UNC5D: variants seen among roughly 807,000 people sequenced by gnomAD.
UNC5D encodes the protein netrin receptor UNC5D.
UNC5D carries 39 observed loss-of-function variants against 105.4 expected under a neutral mutation model. That is an observed-to-expected ratio of 0.37 (90% CI 0.29 to 0.48). UNC5D has a LOEUF of 0.48. Among genes scored for constraint, UNC5D ranks in the 20% least tolerant of loss-of-function variants. The pLI is 0.98. For missense variants in UNC5D, 991 were observed against 1,202.4 expected, an observed-to-expected ratio of 0.82 and a Z score of 2.60; for synonymous variants, 452 against 450.4, an observed-to-expected ratio of 1.00 and a Z score of -0.04.
chr8:35,417,166 C>A (rs1007724637), intron 1 of UNC5D, among the ~76,000 whole-genome samples: 1 of 152,004 alleles, frequency 6.6e-6, no homozygotes, highest in Non-Finnish European at 1.5e-5. Flanking sequence ...AATACTAAGT[C>A]TTATTTATTC....
At chr8:35,329,677 A>G (rs1378077717) in intron 1 of UNC5D, among the ~76,000 whole-genome samples, 1 of 152,190 alleles carries the variant, frequency 6.6e-6, no homozygotes. Context: ...TTAAGAAAAA[A>G]TGATTTTAAA....
At chr8:35,261,518 T>G (rs1040723513) in intron 1 of UNC5D, among the ~76,000 whole-genome samples, 1 of 152,094 alleles carries the variant, frequency 6.6e-6, no homozygotes, top group Non-Finnish European at 1.5e-5. Flanking sequence ...AACAGCAGTT[T>G]ATTATGCTAG....
intron 1 of UNC5D, among the ~76,000 whole-genome samples, chr8:35,335,570 TTA>T (rs1446205985): frequency 6.6e-6 from 1 of 152,164 alleles, no homozygotes; most frequent in Non-Finnish European, 1.5e-5. Flanking sequence ...ATTTTTAAGC[TTA>T]TATCTCAGGA....
intron 1 of UNC5D, among the ~76,000 whole-genome samples, chr8:35,301,819 T>C (rs1807981267): frequency 6.6e-6 from 1 of 152,152 alleles, no homozygotes; most frequent in African/African-American, 2.4e-5. Flanking sequence ...GAACTTTTTT[T>C]GTTTTCACGG....
At chr8:35,325,416 G>T (rs921409457) in intron 1 of UNC5D, among the ~76,000 whole-genome samples, 10 of 152,138 alleles carry the variant, frequency 6.6e-5, no homozygotes, top group African/African-American at 2.4e-4. Flanking sequence ...CATAGACAAG[G>T]CAGGCAGAAA....
chr8:35,442,947 A>T (rs1398727293), intron 1 of UNC5D, among the ~76,000 whole-genome samples: 1 of 149,404 alleles, frequency 6.7e-6, no homozygotes, highest in Non-Finnish European at 1.5e-5. Context: ...ACACACACAC[A>T]CCACTGTGCT....
chr8:35,719,049 C>T lies in UNC5D; in HGVS notation c.1118-3161C>T, dbSNP rs1276092502. Among the ~76,000 whole-genome samples, 4 of 151,672 alleles carry T rather than the reference C, an allele frequency of 2.6e-5. No homozygotes were observed. The South Asian group carries it at 6.3e-4, about 24-fold the overall frequency. ...GAGCAATTCTCCCAGGAATGAGGGG[C>T]GGAGGCTTCCAAGGTTCTTTAGGGA... On this transcript the variant is annotated intron_variant, in intron 8 of 16. Coordinates refer to ENST00000404895, the MANE Select transcript of UNC5D (RefSeq NM_080872.4).
At chr8:35,684,494 C>A (rs1258425401) in intron 5 of UNC5D, 88 bp from the exon 6 acceptor site, 10 of 1,491,386 alleles carry the variant, frequency 6.7e-6, no homozygotes, top group Non-Finnish European at 9.0e-6. Flanking sequence ...GCCTGACTCA[C>A]AGCACCTGGC....
intron 2 of UNC5D, among the ~76,000 whole-genome samples, chr8:35,561,059 C>G (rs1345677661): frequency 1.3e-5 from 2 of 152,144 alleles, no homozygotes; most frequent in African/African-American, 4.8e-5. Context: ...CTAGTTGGGG[C>G]CTTGCTCACC....
At chr8:35,334,701 A>G (rs1810887813) in intron 1 of UNC5D, among the ~76,000 whole-genome samples, 2 of 151,934 alleles carry the variant, frequency 1.3e-5, no homozygotes, top group Admixed American at 6.6e-5. Context: ...TTTAGTAGAG[A>G]CGGGGTTTCA....
intron 4 of UNC5D, among the ~76,000 whole-genome samples, chr8:35,605,320 G>T (rs917556009): frequency 6.6e-6 from 1 of 152,226 alleles, no homozygotes; most frequent in African/African-American, 2.4e-5. Context: ...TCCAGACTCT[G>T]TTTGCCTGGG....
intron 1 of UNC5D, among the ~76,000 whole-genome samples, chr8:35,312,583 G>A (rs1808977603): frequency 6.6e-6 from 1 of 152,154 alleles, no homozygotes; most frequent in Non-Finnish European, 1.5e-5. Flanking sequence ...AGGCAGTAAG[G>A]ATGGGCTTGT....
At chr8:35,601,764 C>T (rs570235992) in intron 4 of UNC5D, among the ~76,000 whole-genome samples, 11 of 152,186 alleles carry the variant, frequency 7.2e-5, no homozygotes, top group African/African-American at 2.7e-4. Flanking sequence ...ATTTGACTTC[C>T]TCTTTTCCTA....
intron 4 of UNC5D, among the ~76,000 whole-genome samples, chr8:35,612,165 C>G (rs2978573): frequency 0.091 from 13,884 of 152,160 alleles, 658 homozygotes; most frequent in Middle Eastern, 0.11. Flanking sequence ...GCACTGCATG[C>G]CAGGCACTAT....
rs146094899 is a variant in UNC5D at position 35,657,521 on chromosome 8, G to A, written c.571-26026G>A. On this transcript the variant is annotated intron_variant, in intron 4 of 16. Coordinates refer to ENST00000404895, the MANE Select transcript of UNC5D (RefSeq NM_080872.4). The stretch of plus-strand genomic sequence containing the variant: ...TTTTTTAGAGGTAAGGTCTTGCTCT[G>A]TCTCTCAGGCTGGAGTGCAGTGGCT... Among the ~76,000 whole-genome samples the A allele has an allele frequency of 6.1e-3, 921 of 152,128 alleles. 2 individuals are homozygous for A. Among genetic ancestry groups the A allele is most frequent in the Middle Eastern group, 0.027 (8 of 294 alleles).
At chr8:35,457,317 C>G (rs1369512008) in intron 1 of UNC5D, among the ~76,000 whole-genome samples, 1 of 152,146 alleles carries the variant, frequency 6.6e-6, no homozygotes, top group Non-Finnish European at 1.5e-5. Flanking sequence ...ACTAGAGGCT[C>G]TCCTAGTTTA....
chr8:35,387,904 A>G (rs77411684), intron 1 of UNC5D, among the ~76,000 whole-genome samples: 9 of 152,200 alleles, frequency 5.9e-5, no homozygotes, highest in Admixed American at 4.6e-4. Flanking sequence ...AATGAATACT[A>G]TCTGCTTCTT....
chr8:35,750,512 G>T, intron 12 of UNC5D, 70 bp from the exon 13 acceptor site: 2 of 1,470,240 alleles, frequency 1.4e-6, no homozygotes, highest in Non-Finnish European at 1.9e-6. Flanking sequence ...ATTTATTTGT[G>T]TCCTGGCAAT....
chr8:35,318,189 T>C (rs1809448217), intron 1 of UNC5D, among the ~76,000 whole-genome samples: 1 of 152,122 alleles, frequency 6.6e-6, no homozygotes, highest in Non-Finnish European at 1.5e-5. Flanking sequence ...CTCCCTAGGT[T>C]GGACTTCAAA....
Sources: gnomAD v4.1 joint callset for allele counts (sites outside exome capture counted in the v4.1 genomes callset) on GRCh38, gnomAD v4.1.1 for gene constraint, MANE v1.5 for transcripts, NCBI Gene and HGNC (gene_info 2026-07-23, HGNC 2026-07-21) for gene names.